TM2D1: variants seen among roughly 807,000 people sequenced by gnomAD.
TM2D1 encodes TM2 domain containing 1, also known as TM2 domain-containing protein 1.
Under a neutral mutation model 28.4 loss-of-function variants are expected in TM2D1, and 15 were observed. The ratio of observed to expected loss-of-function variants is 0.53; its 90% CI spans 0.35 to 0.81. The LOEUF (loss-of-function observed/expected upper bound fraction) is 0.81. Ranked by LOEUF, TM2D1 falls within the 40% of genes least tolerant of loss-of-function variation. TM2D1 has a pLI of 0.01. For missense variants in TM2D1, 236 were observed against 254.9 expected, an observed-to-expected ratio of 0.93 and a Z score of 0.50; for synonymous variants, 93 against 96.2, an observed-to-expected ratio of 0.97 and a Z score of 0.20.
chr1:61,722,201 A>C (rs1644573097), intron 2 of TM2D1, among the ~76,000 whole-genome samples: 1 of 152,036 alleles, frequency 6.6e-6, no homozygotes, highest in African/African-American at 2.4e-5. Context: ...TGGGAGGATC[A>C]CTTGATCCTG....
intron 2 of TM2D1, among the ~76,000 whole-genome samples, chr1:61,721,359 C>T (rs936742864): frequency 7.9e-5 from 12 of 151,814 alleles, no homozygotes; most frequent in Admixed American, 1.3e-4. Flanking sequence ...CTGGCCAATA[C>T]GGCGAAACCC....
rs949367983 is a variant in TM2D1 at position 61,717,571 on chromosome 1, T to C, written c.238+6142A>G. Among the ~76,000 whole-genome samples the C allele has an allele frequency of 1.1e-4, 17 of 152,092 alleles. 1 individual carries two copies. The highest frequency in any genetic ancestry group is 5.9e-4 in the Admixed American group (9 of 15,254). ...TAAAAAGCAACAGTGTGGTTTTTTT[T>C]GTTTGACTGGTTTCTTTTTAGAGAC... On this transcript the variant is annotated intron_variant, in intron 2 of 6. Transcript: ENST00000606498.
Position 61,687,969 on chromosome 1 carries a change from T to A in TM2D1, c.514-4423A>T, listed in dbSNP as rs538640319. 2.0e-5 allele frequency among the ~76,000 whole-genome samples: 3 copies of A among 152,362 alleles called. No homozygotes were observed. The South Asian group carries it at 6.2e-4, about 32-fold the overall frequency. On this transcript the variant is annotated intron_variant, in intron 5 of 6. Transcript: ENST00000606498. ...TTTGTATCCATATTTCACTTCTGTG[T>A]GTGACTAATTTTAAGATGATGCCAT...
intron 2 of TM2D1, among the ~76,000 whole-genome samples, chr1:61,717,205 A>AC (rs1570127917): frequency 6.6e-6 from 1 of 150,668 alleles, no homozygotes; most frequent in East Asian, 1.9e-4. Flanking sequence ...AACAAAACAA[A>AC]AAAAAAAAAA....
chr1:61,682,126 A>C lies in TM2D1; in HGVS notation c.*20-776T>G, dbSNP rs188258876. ...TTACTGTTAGAAAAGAAAAAAATCC[A>C]CCTAAAGGGCAAAAGTATACTTCAT... On this transcript the variant is annotated intron_variant, in intron 6 of 6. Transcript: ENST00000606498. 1.2e-4 allele frequency among the ~76,000 whole-genome samples: 18 copies of C among 152,326 alleles called. No individual in the cohort carries two copies. In the East Asian group the frequency reaches 2.3e-3, roughly 20 times the overall value.
At chr1:61,698,430 A>T (rs569686020) in intron 4 of TM2D1, 1 of 152,486 alleles carries the variant, frequency 6.6e-6, no homozygotes, top group Non-Finnish European at 1.5e-5. Context: ...ATGGTGGCGC[A>T]TGCCTGTAAT....
At chr1:61,709,043 G>A (rs1360471984) in intron 3 of TM2D1, among the ~76,000 whole-genome samples, 1 of 152,052 alleles carries the variant, frequency 6.6e-6, no homozygotes, top group African/African-American at 2.4e-5. Flanking sequence ...GCACAAACCT[G>A]TACTCCAGCT....
intron 3 of TM2D1, among the ~76,000 whole-genome samples, chr1:61,708,391 C>A (rs1412759281): frequency 1.3e-5 from 2 of 152,086 alleles, no homozygotes; most frequent in East Asian, 3.9e-4. Context: ...AAAAGAAAGC[C>A]ATTTGTCTTA....
At chr1:61,703,081 G>C (rs139650071) in intron 3 of TM2D1, among the ~76,000 whole-genome samples, 2,916 of 151,710 alleles carry the variant, frequency 0.019, 111 homozygotes, top group African/African-American at 0.064. Context: ...ACTCCTGCCT[G>C]GGTGACAGAG....
At chr1:61,716,381 TTTTA>T (rs923487662) in intron 2 of TM2D1, among the ~76,000 whole-genome samples, 2 of 146,024 alleles carry the variant, frequency 1.4e-5, no homozygotes, top group African/African-American at 5.0e-5. Flanking sequence ...AATTATATAA[TTTTA>T]TATATAATTA....
At position 61,713,661 on chromosome 1, in the gene TM2D1, AC is replaced by A. The variant is rs1232406791; in HGVS notation, c.239-4225del. ...AGATCATTTTTCTCTACAAGTATCT[AC>A]CTTGCACTTGCTTAGTCTGAAGCTG... On this transcript the variant is annotated intron_variant, in intron 2 of 6. Coordinates refer to ENST00000606498, the MANE Select transcript of TM2D1 (RefSeq NM_032027.3). 2.0e-5 allele frequency among the ~76,000 whole-genome samples: 3 copies of A among 152,056 alleles called. No individual in the cohort carries two copies. The East Asian group carries it at 5.8e-4, about 29-fold the overall frequency.
chr1:61,685,233 T>C (rs1420278538), intron 5 of TM2D1, among the ~76,000 whole-genome samples: 1 of 152,220 alleles, frequency 6.6e-6, no homozygotes, highest in Non-Finnish European at 1.5e-5. Flanking sequence ...TTCATGCACA[T>C]CTTTTTTAAG....
rs777209794 is a variant in TM2D1, at chr1:61,725,127, G to A, written c.-7C>T. ...ACGGCCAGGCGGCCGCCATCTTGGA[G>A]ACCGACACTTTCTCGCCACTTCCGC... On this transcript the variant is annotated 5_prime_UTR_variant, in exon 1 of 7. Coordinates refer to ENST00000606498, the MANE Select transcript of TM2D1 (RefSeq NM_032027.3). 16 of 1,613,398 alleles carry A rather than the reference G, an allele frequency of 9.9e-6. No homozygotes were observed. Among genetic ancestry groups the A allele is most frequent in the Non-Finnish European group, 1.4e-5 (16 of 1,179,860 alleles).
chr1:61,720,085 T>C (rs532562348), intron 2 of TM2D1, among the ~76,000 whole-genome samples: 46 of 152,218 alleles, frequency 3.0e-4, no homozygotes, highest in Admixed American at 5.2e-4. Context: ...AAACATACTA[T>C]ACTTTAATAC....
chr1:61,722,557 C>T (rs1470766372), intron 2 of TM2D1, among the ~76,000 whole-genome samples: 1 of 152,020 alleles, frequency 6.6e-6, no homozygotes, highest in Non-Finnish European at 1.5e-5. Flanking sequence ...TTAGTAGAGA[C>T]GGGGTTTCAC....
chr1:61,714,643 C>G (rs570558290), intron 2 of TM2D1, among the ~76,000 whole-genome samples: 2 of 152,190 alleles, frequency 1.3e-5, no homozygotes, highest in African/African-American at 4.8e-5. Context: ...CAGCCTCAAC[C>G]CCCTGGGCTT....
At chr1:61,691,932 A>AAAAAAAAAATATAT in intron 5 of TM2D1, among the ~76,000 whole-genome samples, 17 of 76,390 alleles carry the variant, frequency 2.2e-4, no homozygotes, top group South Asian at 8.8e-4. Flanking sequence ...AAAAAAAAAA[A>AAAAAAAAAATATAT]ATATATATAT....
chr1:61,689,528 C>A (rs878884626), intron 5 of TM2D1, among the ~76,000 whole-genome samples: 2 of 152,084 alleles, frequency 1.3e-5, no homozygotes, highest in Non-Finnish European at 2.9e-5. Flanking sequence ...CACCACCACA[C>A]CTGGCAAATT....
At chr1:61,712,862 T>A (rs957829833) in intron 2 of TM2D1, among the ~76,000 whole-genome samples, 1 of 152,186 alleles carries the variant, frequency 6.6e-6, no homozygotes, top group African/African-American at 2.4e-5. Flanking sequence ...TTTACATCAA[T>A]TTTAGGAAAG....
Sources: allele counts gnomAD v4.1 joint callset (sites outside exome capture counted in the v4.1 genomes callset), GRCh38; gene constraint gnomAD v4.1.1; transcripts MANE v1.5; gene names NCBI Gene and HGNC (gene_info 2026-07-23, HGNC 2026-07-21).